The following XRCC4 variants were observed in gnomAD, a reference collection of about 807,000 sequenced individuals.
The protein encoded by XRCC4 is DNA repair protein XRCC4.
In XRCC4, 28 loss-of-function variants were observed where a neutral mutation model predicts 39.1. The ratio of observed to expected loss-of-function variants is 0.72; its 90% CI spans 0.53 to 0.98. XRCC4 has a LOEUF of 0.98. XRCC4 is among the 50% of genes least tolerant of loss of function. XRCC4 has a pLI of 0.00. For synonymous variants in XRCC4, 123 were observed against 126.4 expected (o/e 0.97, Z 0.18); for missense variants, 350 against 376.4 (o/e 0.93, Z 0.58).
intron 6 of XRCC4, among the ~76,000 whole-genome samples, chr5:83,248,504 G>A (rs1369613586): frequency 1.3e-5 from 2 of 152,124 alleles, no homozygotes; most frequent in Admixed American, 6.5e-5. Context: ...GTTTTGAAAG[G>A]CATCAAGACT....
chr5:83,216,416 A>C (rs987222297), intron 6 of XRCC4, among the ~76,000 whole-genome samples: 2 of 152,214 alleles, frequency 1.3e-5, no homozygotes, highest in Non-Finnish European at 2.9e-5. Flanking sequence ...GTTCCTCAAA[A>C]AGTAAAATAC....
At chr5:83,248,009 CTT>C (rs974532109) in intron 6 of XRCC4, among the ~76,000 whole-genome samples, 12 of 152,212 alleles carry the variant, frequency 7.9e-5, no homozygotes, top group African/African-American at 2.4e-4. Context: ...ACAGAGGAGA[CTT>C]TGGAATAGCG....
intron 3 of XRCC4, among the ~76,000 whole-genome samples, chr5:83,147,489 G>A (rs2112541102): frequency 6.6e-6 from 1 of 152,182 alleles, no homozygotes; most frequent in East Asian, 1.9e-4. Flanking sequence ...ACTTATATGT[G>A]GAATCTAAAA....
chr5:83,185,249 A>T (rs1272476634), intron 3 of XRCC4, among the ~76,000 whole-genome samples: 1 of 151,942 alleles, frequency 6.6e-6, no homozygotes, highest in South Asian at 2.1e-4. Context: ...ATGAAAAAAC[A>T]TGATGGTCCT....
chr5:83,177,404 A>G (rs902529015), intron 3 of XRCC4, among the ~76,000 whole-genome samples: 3 of 150,324 alleles, frequency 2.0e-5, no homozygotes, highest in African/African-American at 7.3e-5. Flanking sequence ...AAGCAGTAAC[A>G]CTATCAGTTT....
At chr5:83,188,593 G>T (rs957480662) in intron 3 of XRCC4, among the ~76,000 whole-genome samples, 1 of 151,934 alleles carries the variant, frequency 6.6e-6, no homozygotes, top group Non-Finnish European at 1.5e-5. Context: ...GTCTGTTCCT[G>T]CTGAGGGCCT....
chr5:83,121,380 A>G (rs1410626343), intron 3 of XRCC4, among the ~76,000 whole-genome samples: 2 of 152,158 alleles, frequency 1.3e-5, no homozygotes, highest in African/African-American at 2.4e-5. Flanking sequence ...AGTTCGTACT[A>G]TTTTACATTC....
intron 1 of XRCC4, among the ~76,000 whole-genome samples, chr5:83,093,800 T>C (rs1246382284): frequency 6.6e-6 from 1 of 152,150 alleles, no homozygotes; most frequent in Non-Finnish European, 1.5e-5. Context: ...TTATGGGATG[T>C]TGTAAAAGTT....
intron 6 of XRCC4, among the ~76,000 whole-genome samples, chr5:83,240,179 A>G (rs1024665300): frequency 6.6e-6 from 1 of 152,180 alleles, no homozygotes; most frequent in Non-Finnish European, 1.5e-5. Flanking sequence ...GACTCAATAA[A>G]TAAATGAATG....
At chr5:83,116,615 T>G (rs1975986) in intron 3 of XRCC4, among the ~76,000 whole-genome samples, 2,828 of 15,916 alleles carry the variant, frequency 0.18, 66 homozygotes, top group Middle Eastern at 0.29. Context: ...TCTCTTTTTT[T>G]TTTTTTTTTT....
At chr5:83,358,904 G>A in the XRCC4 span, among the ~76,000 whole-genome samples, 8 of 152,280 alleles carry the variant, frequency 5.3e-5, no homozygotes, top group East Asian at 9.7e-4. Context: ...GCGGAGAAGC[G>A]ACTGCAAGGA....
chr5:83,369,754 T>G, the XRCC4 span, among the ~76,000 whole-genome samples: 3 of 152,156 alleles, frequency 2.0e-5, no homozygotes, highest in African/African-American at 7.2e-5. Context: ...TTACTTTCCT[T>G]TGGGTATATA....
In XRCC4 at chr5:83,330,667, G is replaced by A. The variant is rs527504048; in HGVS notation, c.894-22464G>A. On this transcript the variant is annotated intron_variant, in intron 7 of 7. Coordinates refer to ENST00000396027, the MANE Select transcript of XRCC4 (RefSeq NM_003401.5). Reference sequence around the variant, plus strand: ...TGGGTTCTTAGGTGGTAGCTTTGCAGGAGTTTAATATACTATTATGCCCTA... The same window carrying A: ...TGGGTTCTTAGGTGGTAGCTTTGCAAGAGTTTAATATACTATTATGCCCTA... Among the ~76,000 whole-genome samples, 6 of 151,962 alleles carry A rather than the reference G, an allele frequency of 3.9e-5. No homozygotes were observed. The South Asian group carries it at 1.2e-3, about 32-fold the overall frequency.
intron 7 of XRCC4, among the ~76,000 whole-genome samples, chr5:83,342,797 A>T (rs1756802448): frequency 6.6e-6 from 1 of 151,988 alleles, no homozygotes; most frequent in Non-Finnish European, 1.5e-5. Flanking sequence ...CTAAGATCAA[A>T]TTTTTTTTAA....
intron 7 of XRCC4, among the ~76,000 whole-genome samples, chr5:83,284,078 A>C (rs547044600): frequency 8.8e-4 from 124 of 140,564 alleles, no homozygotes; most frequent in African/African-American, 3.2e-3. Context: ...AAAAAAAAAA[A>C]CGAATAATTC....
At chr5:83,106,754 C>T (rs1580226803) in intron 2 of XRCC4, among the ~76,000 whole-genome samples, 2 of 151,984 alleles carry the variant, frequency 1.3e-5, no homozygotes, top group Admixed American at 1.3e-4. Context: ...GGGTAAGAGA[C>T]ACATTTGGTT....
At chr5:83,320,626 T>C (rs190137888) in intron 7 of XRCC4, among the ~76,000 whole-genome samples, 1 of 151,836 alleles carries the variant, frequency 6.6e-6, no homozygotes. Flanking sequence ...AACTTCATTG[T>C]CTTATTTTAA....
intron 7 of XRCC4, among the ~76,000 whole-genome samples, chr5:83,265,990 T>A (rs1277044787): frequency 6.6e-6 from 1 of 152,090 alleles, no homozygotes; most frequent in Non-Finnish European, 1.5e-5. Context: ...ACTTTTATAA[T>A]CTTTCTGAGT....
chr5:83,104,584 C>G (rs1746105258), intron 1 of XRCC4, among the ~76,000 whole-genome samples: 1 of 152,110 alleles, frequency 6.6e-6, no homozygotes, highest in Admixed American at 6.5e-5. Flanking sequence ...TCCCAAAGTG[C>G]TGGGATTACC....
Sources: gnomAD v4.1 joint callset for allele counts (sites outside exome capture counted in the v4.1 genomes callset) on GRCh38, gnomAD v4.1.1 for gene constraint, MANE v1.5 for transcripts, NCBI Gene and HGNC (gene_info 2026-07-23, HGNC 2026-07-21) for gene names.